SOX30: variants seen among roughly 807,000 people sequenced by gnomAD.
SOX30 encodes the protein SRY-box transcription factor 30, also known as transcription factor SOX-30.
Under a neutral mutation model 58.6 loss-of-function variants are expected in SOX30, and 17 were observed. The observed-to-expected ratio is 0.29, with a 90% CI of 0.20 to 0.44. The LOEUF (loss-of-function observed/expected upper bound fraction) is 0.44, where lower values mean the gene tolerates loss of function less well. Ranked by LOEUF, SOX30 falls within the 20% of genes least tolerant of loss-of-function variation. SOX30 has a pLI of 1.00. For missense variants in SOX30, 951 were observed against 965.8 expected, an observed-to-expected ratio of 0.98 and a Z score of 0.20; for synonymous variants, 421 against 400.2, an observed-to-expected ratio of 1.05 and a Z score of -0.62.
chr5:157,651,850 G>A lies in SOX30; in HGVS notation c.229C>T (p.Gln77Ter). 1.3e-6 allele frequency: 2 copies of A among 1,581,036 alleles called. No individual in the cohort carries two copies. The highest frequency in any genetic ancestry group is 8.6e-7 in the Non-Finnish European group (1 of 1,168,110). ...TGAGGCTGTGGTAGCAGCAACACCT[G>A]CTCTGGCTTCACCTGCAGCAGCCGC... is the stretch of plus-strand genomic sequence containing the variant. ...VRRLLQVKPE[Q>*]VLLLPQPQAQ... The change falls in exon 1 of 5, where the codon CAG becomes TAG. Residue 77 changes from glutamine (Q) to a stop codon, truncating the protein, a stop_gained. Coordinates refer to ENST00000265007, the MANE Select transcript of SOX30 (RefSeq NM_178424.2). LOFTEE classifies it high-confidence loss of function.
At chr5:157,632,542 A>G (rs1455114260) in intron 4 of SOX30, among the ~76,000 whole-genome samples, 1 of 152,086 alleles carries the variant, frequency 6.6e-6, no homozygotes. Context: ...TGAACCCTGG[A>G]GGCAGTGCAG....
chr5:157,656,669 G>A (rs950171294), upstream of SOX30, among the ~76,000 whole-genome samples: 8 of 152,196 alleles, frequency 5.3e-5, no homozygotes, highest in African/African-American at 1.2e-4. Context: ...GACTACTGAA[G>A]AATAGTTCTA....
intron 3 of SOX30, among the ~76,000 whole-genome samples, chr5:157,643,132 ACAAACCTCTGTC>A (rs1194970068): frequency 6.6e-6 from 1 of 152,058 alleles, no homozygotes; most frequent in Admixed American, 6.6e-5. Flanking sequence ...AACAACAACA[ACAAACCTCTGTC>A]CAGGCATGAT....
At chr5:157,637,574 T>C (rs901206822) in intron 4 of SOX30, among the ~76,000 whole-genome samples, 5 of 152,222 alleles carry the variant, frequency 3.3e-5, no homozygotes, top group African/African-American at 9.6e-5. Context: ...CCACGATTTA[T>C]ATACACAATA....
At chr5:157,634,751 G>T (rs1188433573) in intron 4 of SOX30, among the ~76,000 whole-genome samples, 1 of 150,494 alleles carries the variant, frequency 6.6e-6, no homozygotes, top group Non-Finnish European at 1.5e-5. Flanking sequence ...AAGTTCAAGC[G>T]ATTCTCCTGC....
chr5:157,643,594 T>A (rs1248033852), intron 3 of SOX30, among the ~76,000 whole-genome samples: 1 of 152,108 alleles, frequency 6.6e-6, no homozygotes, highest in Non-Finnish European at 1.5e-5. Flanking sequence ...TTGGTGAGTC[T>A]ATTATCTACA....
In SOX30 at chr5:157,631,764, CAAAA is replaced by C. The variant is rs70984477; in HGVS notation, c.1881-5047_1881-5044del. Among the ~76,000 whole-genome samples, 6 of 84,648 alleles carry C rather than the reference CAAAA, an allele frequency of 7.1e-5. No individual in the cohort carries two copies. The East Asian group carries it at 2.1e-3, about 30-fold the overall frequency. 55.5% of individuals were successfully genotyped at this position (84,648 alleles called of 152,430 possible). A position where few individuals can be genotyped will look rare whatever the true frequency, so the allele number is the denominator to read the frequency against. On this transcript the variant is annotated intron_variant, in intron 4 of 4. Transcript: ENST00000265007. Reference sequence around the variant, plus strand: ...TGGGTAACAGAGTGGGAACTCGTCTCAAAAAAAAAAAAAAAAAAATTAGAGCACA... The same window carrying C: ...TGGGTAACAGAGTGGGAACTCGTCTCAAAAAAAAAAAAAAATTAGAGCACA...
At chr5:157,665,802 C>A (rs1402307449) in intron 2 of SOX30, among the ~76,000 whole-genome samples, 1 of 151,080 alleles carries the variant, frequency 6.6e-6, no homozygotes, top group Non-Finnish European at 1.5e-5. Context: ...GTTCAGGAAA[C>A]TCAGACCCAA....
chr5:157,646,759 T>C lies in SOX30; in HGVS notation c.1265A>G (p.Asn422Ser), dbSNP rs61732992. The C allele has an allele frequency of 1.2e-4, 201 of 1,614,008 alleles. No homozygotes were observed. Among genetic ancestry groups the C allele is most frequent in the African/African-American group, 5.5e-4 (41 of 75,022 alleles). Residue 422 changes from asparagine (N) to serine (S), a missense_variant, in exon 3 of 5, where the codon AAT becomes AGT. By Grantham distance (46) the Asn-to-Ser change is conservative (BLOSUM62 1). Around this residue, in one of 7 missense-constraint regions of SOX30, gnomAD observed 57 missense variants for 104.0 expected, o/e 0.55. Coordinates refer to ENST00000265007, the MANE Select transcript of SOX30 (RefSeq NM_178424.2). ...ATTCTGTGTGGTACCAGAAAATACA[T>C]TGGAAACACTTAGAGGGAATCGTTT... ...KRKRFPLSVS[N>S]VFSGTTQNII...
chr5:157,642,037 C>T (rs921073698), intron 3 of SOX30, among the ~76,000 whole-genome samples: 1 of 151,950 alleles, frequency 6.6e-6, no homozygotes, highest in African/African-American at 2.4e-5. Flanking sequence ...GCTTGAGGGC[C>T]GGGTGCAGTG....
intron 4 of SOX30, among the ~76,000 whole-genome samples, chr5:157,634,452 A>G (rs1042544594): frequency 7.3e-6 from 1 of 137,570 alleles, no homozygotes; most frequent in East Asian, 2.0e-4. Flanking sequence ...CCTGGGCCCA[A>G]CAGATTCTCT....
chr5:157,664,827 G>A (rs1284140122), intron 2 of SOX30, among the ~76,000 whole-genome samples: 1 of 152,162 alleles, frequency 6.6e-6, no homozygotes, highest in Non-Finnish European at 1.5e-5. Flanking sequence ...CAGTTATGCA[G>A]CCAACAGACA....
At chr5:157,663,521 C>T (rs1488921899) in intron 2 of SOX30, among the ~76,000 whole-genome samples, 7 of 152,184 alleles carry the variant, frequency 4.6e-5, no homozygotes, top group Non-Finnish European at 1.0e-4. Flanking sequence ...ACACTGGAAG[C>T]ATTCCCTTTG....
intron 4 of SOX30, 130 bp downstream of exon 4, chr5:157,638,100 G>T: frequency 2.2e-6 from 2 of 898,012 alleles, no homozygotes; most frequent in Non-Finnish European, 3.3e-6. Flanking sequence ...TTAACTGCTT[G>T]GCTCCTAGTC....
In SOX30 at chr5:157,648,744, C is replaced by G. The variant is rs1561585042; in HGVS notation, c.1120G>C (p.Glu374Gln). 6.2e-7 allele frequency: 1 copy of G among 1,613,740 alleles called. No homozygotes were observed. Among genetic ancestry groups the G allele is most frequent in the South Asian group, 1.1e-5 (1 of 91,052 alleles). Residue 374 changes from glutamate (E) to glutamine (Q), a missense_variant, in exon 2 of 5, where the codon GAG becomes CAG. Glu to Gln is a conservative substitution (Grantham distance 29, BLOSUM62 2). Transcript: ENST00000265007. ...TGTTCTTCACTAAGTTTGTTCCACT[C>G]TAACCCAAGCTGGACACTGATTTCT... ...NAEISVQLGL[E>Q]WNKLSEEQKK...
In SOX30 at chr5:157,648,689, T is replaced by C; in HGVS notation, c.1175A>G (p.Lys392Arg). ...QKKPYYDEAQ[K>R]IKEKHREEFP... ...TTCCTCTCTGTGCTTTTCCTTAATCTTTTGTGCTTCATCGTAATAGGGTTT... is the reference window on the plus strand; with the variant it reads ...TTCCTCTCTGTGCTTTTCCTTAATCCTTTGTGCTTCATCGTAATAGGGTTT... The change falls in exon 2 of 5, where the codon AAG becomes AGG. Residue 392 changes from lysine (K) to arginine (R), a missense_variant. Transcript: ENST00000265007. 1.2e-6 allele frequency: 2 copies of C among 1,613,916 alleles called. No homozygotes were observed. The highest frequency in any genetic ancestry group is 8.5e-7 in the Non-Finnish European group (1 of 1,179,960).
Position 157,646,670 on chromosome 5 carries a change from G to A in SOX30, c.1354C>T (p.Pro452Ser). The A allele has an allele frequency of 1.2e-6, 2 of 1,612,222 alleles. No homozygotes were observed. Among genetic ancestry groups the A allele is most frequent in the Non-Finnish European group, 1.7e-6 (2 of 1,179,200 alleles). ...YRSPTYSVVI[P>S]SLQNPITHPV... ...TGAGTGATGGGATTCTGTAGGCTGGGAATTACCACAGAGTACGTAGGTGAG... is the reference window on the plus strand; with the variant it reads ...TGAGTGATGGGATTCTGTAGGCTGGAAATTACCACAGAGTACGTAGGTGAG... Residue 452 changes from proline to serine, a missense_variant, in exon 3 of 5, where the codon CCC becomes TCC. By Grantham distance (74) the Pro-to-Ser change is moderately conservative (BLOSUM62 -1). This residue lies in a region of SOX30 where 381 missense variants were observed against 390.0 expected (regional missense o/e 0.98). Transcript: ENST00000265007.
chr5:157,640,374 T>A (rs1443792858), intron 3 of SOX30, among the ~76,000 whole-genome samples: 1 of 152,174 alleles, frequency 6.6e-6, no homozygotes, highest in Non-Finnish European at 1.5e-5. Flanking sequence ...GATGCTGGCA[T>A]AACTGGCATC....
At chr5:157,639,735 C>T (rs995688108) in intron 3 of SOX30, among the ~76,000 whole-genome samples, 3 of 152,202 alleles carry the variant, frequency 2.0e-5, no homozygotes, top group African/African-American at 4.8e-5. Flanking sequence ...CATGATCTAA[C>T]GTATTGCAAT....
Sources: gnomAD v4.1 joint callset for allele counts (sites outside exome capture counted in the v4.1 genomes callset) on GRCh38, gnomAD v4.1.1 for gene constraint, gnomAD v4.1.1 regional missense constraint, MANE v1.5 for transcripts, NCBI Gene and HGNC (gene_info 2026-07-23, HGNC 2026-07-21) for gene names.